Variants in ACOXL observed in about 807,000 individuals in gnomAD.
The protein encoded by ACOXL is acyl-CoA oxidase like, also known as acyl-coenzyme A oxidase-like protein.
In ACOXL, 70 loss-of-function variants were observed where a neutral mutation model predicts 71.9. The observed-to-expected ratio is 0.97, with a 90% CI of 0.80 to 1.19. ACOXL has a LOEUF of 1.19. Ranked by LOEUF, ACOXL falls within the 50% of genes most tolerant of loss-of-function variation. The probability of loss-of-function intolerance (pLI) is 0.00; values close to 1 mark genes in which losing one functional copy is unlikely to be tolerated. For synonymous variants in ACOXL, 253 were observed against 281.6 expected, an observed-to-expected ratio of 0.90 and a Z score of 1.02; for missense variants, 703 against 736.3, an observed-to-expected ratio of 0.95 and a Z score of 0.52.
intron 10 of ACOXL, among the ~76,000 whole-genome samples, chr2:110,879,489 C>T (rs1168720975): frequency 2.6e-5 from 4 of 152,008 alleles, no homozygotes; most frequent in Admixed American, 6.6e-5. Flanking sequence ...CAATCTCTCC[C>T]GGAAAAGAAC....
At chr2:110,833,034 A>C (rs995949809) in intron 9 of ACOXL, among the ~76,000 whole-genome samples, 2 of 152,240 alleles carry the variant, frequency 1.3e-5, no homozygotes, top group Non-Finnish European at 2.9e-5. Flanking sequence ...TAAATATGCA[A>C]CTGCCATATA....
At chr2:110,867,911 C>A (rs552114074) in intron 10 of ACOXL, among the ~76,000 whole-genome samples, 17 of 151,914 alleles carry the variant, frequency 1.1e-4, no homozygotes, top group Non-Finnish European at 2.5e-4. Flanking sequence ...TACAGGTGCC[C>A]ACCACCACGC....
chr2:110,787,533 C>CAAAAAAA (rs1175271772), intron 3 of ACOXL, among the ~76,000 whole-genome samples: 6 of 53,492 alleles, frequency 1.1e-4, no homozygotes, highest in Non-Finnish European at 2.3e-4. Context: ...GACTCCGTCT[C>CAAAAAAA]AAAAAAAAAA....
At chr2:110,999,029 AG>A (rs979547143) in intron 14 of ACOXL, among the ~76,000 whole-genome samples, 1 of 152,220 alleles carries the variant, frequency 6.6e-6, no homozygotes, top group Non-Finnish European at 1.5e-5. Context: ...ATCTGTCAAA[AG>A]GTTGTTATAT....
At chr2:111,093,554 C>A in intron 17 of ACOXL, 1 of 1,612,688 alleles carries the variant, frequency 6.2e-7, no homozygotes, top group East Asian at 2.2e-5. Context: ...TATCCAAGGA[C>A]ACAAAACCAC....
intron 16 of ACOXL, among the ~76,000 whole-genome samples, chr2:111,054,110 T>C (rs374495161): frequency 6.6e-6 from 1 of 152,338 alleles, no homozygotes; most frequent in East Asian, 1.9e-4. Flanking sequence ...CAAAGGTACC[T>C]GGCTAGAAGC....
At chr2:111,049,826 A>G (rs1485449830) in intron 16 of ACOXL, among the ~76,000 whole-genome samples, 1 of 70,204 alleles carries the variant, frequency 1.4e-5, no homozygotes, top group East Asian at 4.4e-4. Flanking sequence ...CAGTTGTTTT[A>G]TTTCCTTCCA....
At chr2:111,038,286 A>G (rs1227535096) in intron 15 of ACOXL, among the ~76,000 whole-genome samples, 1 of 152,254 alleles carries the variant, frequency 6.6e-6, no homozygotes, top group Non-Finnish European at 1.5e-5. Context: ...CCATCTGCCC[A>G]TGTTGCAGGG....
At chr2:111,024,614 C>G (rs538853204) in intron 14 of ACOXL, among the ~76,000 whole-genome samples, 2 of 152,254 alleles carry the variant, frequency 1.3e-5, no homozygotes, top group South Asian at 4.1e-4. Context: ...TACAGCAGCC[C>G]TAGGGAACCA....
chr2:110,883,767 A>T (rs747074780), intron 10 of ACOXL, among the ~76,000 whole-genome samples: 3 of 152,228 alleles, frequency 2.0e-5, no homozygotes, highest in Non-Finnish European at 4.4e-5. Flanking sequence ...TTCAATATTT[A>T]TGAAAATTGT....
intron 11 of ACOXL, among the ~76,000 whole-genome samples, chr2:110,913,697 C>T (rs1000807468): frequency 6.6e-6 from 1 of 152,168 alleles, no homozygotes; most frequent in Non-Finnish European, 1.5e-5. Flanking sequence ...GCTCATAATT[C>T]TGCAGGCTAT....
In ACOXL at chr2:111,048,206, A is replaced by G. The variant is rs1004828568; in HGVS notation, c.1370-1012A>G. Among the ~76,000 whole-genome samples, 4 of 152,292 alleles carry G rather than the reference A, an allele frequency of 2.6e-5. 1 individual carries two copies. Among genetic ancestry groups the G allele is most frequent in the South Asian group, 4.2e-4 (2 of 4,812 alleles). ...TTGGGATGGGACCAGAGGGCAATCAATGTCTTTATTGGCTGGATGGGTGGG... is the reference window on the plus strand; with the variant it reads ...TTGGGATGGGACCAGAGGGCAATCAGTGTCTTTATTGGCTGGATGGGTGGG... On this transcript the variant is annotated intron_variant, in intron 15 of 17. Transcript: ENST00000439055.
chr2:110,961,028 C>A (rs915765386), intron 12 of ACOXL, among the ~76,000 whole-genome samples: 1 of 152,192 alleles, frequency 6.6e-6, no homozygotes, highest in Non-Finnish European at 1.5e-5. Flanking sequence ...TGAGGCCAGG[C>A]CTTTCTGGCT....
intron 11 of ACOXL, among the ~76,000 whole-genome samples, chr2:110,912,567 C>CA (rs1013712179): frequency 5.9e-5 from 9 of 151,994 alleles, no homozygotes; most frequent in Admixed American, 2.6e-4. Flanking sequence ...TATTGATATG[C>CA]AAAAAATGAA....
chr2:110,994,204 G>A (rs2063296919), intron 13 of ACOXL, among the ~76,000 whole-genome samples: 3 of 152,208 alleles, frequency 2.0e-5, no homozygotes. Flanking sequence ...AATAATATAT[G>A]AAAGCTTTTT....
chr2:110,840,146 G>A (rs1016047828), intron 9 of ACOXL, among the ~76,000 whole-genome samples: 8 of 151,978 alleles, frequency 5.3e-5, no homozygotes, highest in Non-Finnish European at 8.8e-5. Flanking sequence ...GCCCGCCACC[G>A]CACCTGGCTA....
At chr2:111,020,636 C>T (rs924530029) in intron 14 of ACOXL, among the ~76,000 whole-genome samples, 2 of 152,168 alleles carry the variant, frequency 1.3e-5, no homozygotes, top group East Asian at 1.9e-4. Flanking sequence ...CTGAGACCCT[C>T]CCCTGCACCA....
At chr2:111,107,449 GT>G (rs555537643) in intron 17 of ACOXL, among the ~76,000 whole-genome samples, 3 of 152,040 alleles carry the variant, frequency 2.0e-5, no homozygotes, top group African/African-American at 4.8e-5. Flanking sequence ...TTTAACTATA[GT>G]TTTTTTTGTT....
At chr2:110,819,173 T>C (rs930413707) in intron 9 of ACOXL, among the ~76,000 whole-genome samples, 1 of 152,162 alleles carries the variant, frequency 6.6e-6, no homozygotes, top group South Asian at 2.1e-4. Flanking sequence ...TAATAGCAAA[T>C]GTCCAATAGA....
Sources: allele counts gnomAD v4.1 joint callset (sites outside exome capture counted in the v4.1 genomes callset), GRCh38; gene constraint gnomAD v4.1.1; transcripts MANE v1.5; gene names NCBI Gene and HGNC (gene_info 2026-07-23, HGNC 2026-07-21).